HYAL3: variants seen among roughly 807,000 people sequenced by gnomAD.
HYAL3 encodes hyaluronidase 3, also known as hyaluronidase-3.
Under a neutral mutation model 29.6 loss-of-function variants are expected in HYAL3, and 25 were observed. The ratio of observed to expected loss-of-function variants is 0.85; its 90% CI spans 0.62 to 1.18. The LOEUF (loss-of-function observed/expected upper bound fraction) is 1.18. Ranked by LOEUF, HYAL3 falls within the 50% of genes most tolerant of loss-of-function variation. The probability of loss-of-function intolerance (pLI) is 0.00; values close to 1 mark genes in which losing one functional copy is unlikely to be tolerated. For synonymous variants in HYAL3, 215 were observed against 218.3 expected, an observed-to-expected ratio of 0.99 and a Z score of 0.13; for missense variants, 442 against 548.4, an observed-to-expected ratio of 0.81 and a Z score of 1.94.
rs1701810524 is a variant in HYAL3 at position 50,295,514 on chromosome 3, G to A, written c.89C>T (p.Pro30Leu). The A allele has an allele frequency of 6.2e-7, 1 of 1,600,206 alleles. No individual in the cohort carries two copies. The highest frequency in any genetic ancestry group is 1.4e-5 in the African/African-American group (1 of 72,776). ...GGGTACATTCCACAGCACAGAGAAG[G>A]GGCGTTCAGGGACCTGTGGTAGGGG... is the stretch of plus-strand genomic sequence containing the variant. Reference protein sequence around the residue: ...GQPLPQVPERPFSVLWNVPSA... With the variant: ...GQPLPQVPERLFSVLWNVPSA... The change falls in exon 2 of 4, where the codon CCC becomes CTC. Residue 30 changes from proline (P) to leucine (L), a missense_variant. Transcript: ENST00000336307.
In HYAL3 at chr3:50,295,220, C is replaced by CA; in HGVS notation, c.382dup (p.Trp128LeufsTer32). The CA allele has an allele frequency of 6.2e-7, 1 of 1,613,724 alleles. No homozygotes were observed. Among genetic ancestry groups the CA allele is most frequent in the South Asian group, 1.1e-5 (1 of 91,084 alleles). ...AGCCCAGAGTGGACACCACTCCTCCCAATCCAGCACTGCTGGGCCAGCAAA... is the reference window on the plus strand; with the variant it reads ...AGCCCAGAGTGGACACCACTCCTCCCAAATCCAGCACTGCTGGGCCAGCAAA... On this transcript the variant is annotated frameshift_variant, in exon 2 of 4. Transcript: ENST00000336307. LOFTEE classifies it high-confidence loss of function.
At position 50,299,376 on chromosome 3, in the gene HYAL3, G is replaced by A; in HGVS notation, c.-181C>T. The A allele has an allele frequency of 2.7e-6, 4 of 1,486,260 alleles. No individual in the cohort carries two copies. Among genetic ancestry groups the A allele is most frequent in the Non-Finnish European group, 3.6e-6 (4 of 1,102,818 alleles). The allele number at this position is 1,486,260 out of a possible 1,614,324, so 92.1% of individuals were successfully genotyped here. On this transcript the variant is annotated 5_prime_UTR_variant, in exon 1 of 4. Coordinates refer to ENST00000336307, the MANE Select transcript of HYAL3 (RefSeq NM_003549.4). ...CTGCGGCACGCCACGGCGTTCTAAGGCCTCCCAGCACCCGCGCGTCGCCGC... is the reference window on the plus strand; with the variant it reads ...CTGCGGCACGCCACGGCGTTCTAAGACCTCCCAGCACCCGCGCGTCGCCGC...
Position 50,292,997 on chromosome 3 carries a change from A to G in HYAL3, c.*249T>C. The G allele has an allele frequency of 6.5e-7, 1 of 1,535,982 alleles. No individual in the cohort carries two copies. The highest frequency in any genetic ancestry group is 8.8e-7 in the Non-Finnish European group (1 of 1,133,496). On this transcript the variant is annotated 3_prime_UTR_variant, in exon 4 of 4. Coordinates refer to ENST00000336307, the MANE Select transcript of HYAL3 (RefSeq NM_003549.4). ...CACAAAGCCCTAGGCTGGCAGCCCT[A>G]ACTAGCTGGAACCTGACTCTCCCTG...
At position 50,294,907 on chromosome 3, in the gene HYAL3, A is replaced by G. The variant is rs926891568; in HGVS notation, c.696T>C (p.His232=). 2 of 1,587,736 alleles carry G rather than the reference A, an allele frequency of 1.3e-6. No individual in the cohort carries two copies. Among genetic ancestry groups the G allele is most frequent in the Non-Finnish European group, 1.7e-6 (2 of 1,161,428 alleles). The stretch of plus-strand genomic sequence containing the variant: ...GGGCACTGGAGGCGGCCCAGAGCCA[A>G]TGCAGTTGAGTGTTGCGGGCAAGGG... ...AATLARNTQL[H]WLWAASSALF... is the part of the protein sequence containing the mutation. The change falls in exon 2 of 4, where the codon CAT becomes CAC. Residue 232 remains histidine (H), a synonymous_variant. Coordinates refer to ENST00000336307, the MANE Select transcript of HYAL3 (RefSeq NM_003549.4).
At position 50,297,041 on chromosome 3, in the gene HYAL3, C is replaced by A; in HGVS notation, c.-17-1422G>T. 6.5e-7 allele frequency: 1 copy of A among 1,537,320 alleles called. No homozygotes were observed. Among genetic ancestry groups the A allele is most frequent in the Non-Finnish European group, 8.7e-7 (1 of 1,145,232 alleles). On this transcript the variant is annotated intron_variant, in intron 1 of 3. Transcript: ENST00000336307. This position sits in a 1 kb window ranked among gnomAD's most constrained non-coding sequence, Gnocchi z 4.3. ...GGCCCCTCAGGGCCCGGGCCACCAC[C>A]ACTGTCTCCACTAAGAGGCTCTGGG...
At position 50,297,606 on chromosome 3, in the gene HYAL3, C is replaced by A; in HGVS notation, c.-18+1607G>T. On this transcript the variant is annotated intron_variant, in intron 1 of 3. Coordinates refer to ENST00000336307, the MANE Select transcript of HYAL3 (RefSeq NM_003549.4). The surrounding 1 kb of genome is among the most constrained non-coding windows in gnomAD (Gnocchi z 4.3). ...CTGCTAGGTTGCAGGTGGCTCAGTG[C>A]CAGGCTGGAGGTTAAGACCCCAGTC... is the stretch of plus-strand genomic sequence containing the variant. The A allele has an allele frequency of 6.7e-7, 1 of 1,483,832 alleles. No individual in the cohort carries two copies. The allele number at this position is 1,483,832 out of a possible 1,614,324, so 91.9% of individuals were successfully genotyped here.
chr3:50,299,243 G>C lies in HYAL3; in HGVS notation c.-48C>G. Reference sequence around the variant, plus strand: ...GATGCTGGCCTCTGGGATGTTCCGCGTCCTAGCTCCGCACAGCTGGGTATC... The same window carrying C: ...GATGCTGGCCTCTGGGATGTTCCGCCTCCTAGCTCCGCACAGCTGGGTATC... On this transcript the variant is annotated 5_prime_UTR_variant, in exon 1 of 4. Coordinates refer to ENST00000336307, the MANE Select transcript of HYAL3 (RefSeq NM_003549.4). 6.2e-7 allele frequency: 1 copy of C among 1,614,086 alleles called. No homozygotes were observed. The highest frequency in any genetic ancestry group is 8.5e-7 in the Non-Finnish European group (1 of 1,180,014).
intron 2 of HYAL3, 48 bp downstream of exon 2, chr3:50,294,661 A>T (rs782368343): frequency 1.4e-6 from 2 of 1,444,672 alleles, no homozygotes; most frequent in Admixed American, 2.4e-5. Context: ...TTCCTAGAAC[A>T]GGGCCATACC....
At chr3:50,293,572 G>A (rs1208299013) in intron 3 of HYAL3, 57 bp from the exon 4 acceptor site, 1 of 1,611,538 alleles carries the variant, frequency 6.2e-7, no homozygotes, top group Middle Eastern at 1.7e-4. Context: ...TGACATGGCC[G>A]TCCCCCACCC....
Position 50,297,080 on chromosome 3 carries a change from C to T in HYAL3, c.-17-1461G>A. On this transcript the variant is annotated intron_variant, in intron 1 of 3. Coordinates refer to ENST00000336307, the MANE Select transcript of HYAL3 (RefSeq NM_003549.4). The surrounding 1 kb of genome is among the most constrained non-coding windows in gnomAD (Gnocchi z 4.3). The stretch of plus-strand genomic sequence containing the variant: ...AGAGGCTCTGGGGCTGGTTCAGCAC[C>T]CGTGACAGGCGGGCATGGCCCACCA... 1.3e-6 allele frequency: 2 copies of T among 1,540,138 alleles called. No individual in the cohort carries two copies. Among genetic ancestry groups the T allele is most frequent in the Non-Finnish European group, 1.7e-6 (2 of 1,143,276 alleles).
chr3:50,297,882 T>C lies in HYAL3; in HGVS notation c.-18+1331A>G. The C allele has an allele frequency of 9.9e-7, 1 of 1,012,602 alleles. No homozygotes were observed. The highest frequency in any genetic ancestry group is 1.2e-6 in the Non-Finnish European group (1 of 848,556). 62.7% of individuals were successfully genotyped at this position (1,012,602 alleles called of 1,614,324 possible). On this transcript the variant is annotated intron_variant, in intron 1 of 3. Transcript: ENST00000336307. This position sits in a 1 kb window ranked among gnomAD's most constrained non-coding sequence, Gnocchi z 4.3. ...GATAGATCCAGGTGTCTACCCCACA[T>C]TGGAGGGAGGCTGGGAGTGATGGAT...
intron 1 of HYAL3, chr3:50,296,668 G>C: frequency 6.2e-7 from 1 of 1,614,036 alleles, no homozygotes; most frequent in East Asian, 2.2e-5. Flanking sequence ...GTCTCCAGCA[G>C]GCTTTTTGAA....
chr3:50,298,978 T>G, intron 1 of HYAL3: 1 of 1,448,938 alleles, frequency 6.9e-7, no homozygotes, highest in Non-Finnish European at 9.1e-7. Flanking sequence ...CCTCAGAGAG[T>G]GGCTTCTCCG....
In HYAL3 at chr3:50,295,555, G is replaced by A. The variant is rs1701812310; in HGVS notation, c.48C>T (p.Cys16=). ...GPALVLGVAL[C]LGCGQPLPQV... is the part of the protein sequence containing the mutation. ...GTGGTAGGGGCTGGCCACAACCCAG[G>A]CACAGGGCCACCCCCAGCACCAGGG... The change falls in exon 2 of 4, where the codon TGC becomes TGT. Residue 16 remains cysteine (C), a synonymous_variant. Transcript: ENST00000336307. 4 of 1,579,136 alleles carry A rather than the reference G, an allele frequency of 2.5e-6. No individual in the cohort carries two copies. Among genetic ancestry groups the A allele is most frequent in the Middle Eastern group, 3.9e-4 (2 of 5,166 alleles).
Position 50,297,485 on chromosome 3 carries a change from A to G in HYAL3, c.-18+1728T>C. The G allele has an allele frequency of 6.4e-7, 1 of 1,566,726 alleles. No homozygotes were observed. Among genetic ancestry groups the G allele is most frequent in the East Asian group, 2.3e-5 (1 of 44,036 alleles). ...CCATCCGGTGTGTAGGGTCTAGTGTAGGGGTCAGCTTGGCTGGGCCAGGGC... is the reference window on the plus strand; with the variant it reads ...CCATCCGGTGTGTAGGGTCTAGTGTGGGGGTCAGCTTGGCTGGGCCAGGGC... On this transcript the variant is annotated intron_variant, in intron 1 of 3. Coordinates refer to ENST00000336307, the MANE Select transcript of HYAL3 (RefSeq NM_003549.4). This position sits in a 1 kb window ranked among gnomAD's most constrained non-coding sequence, Gnocchi z 4.3.
rs1553710767 is a variant in HYAL3 at position 50,294,975 on chromosome 3, G to T, written c.628C>A (p.His210Asn). The T allele has an allele frequency of 6.2e-7, 1 of 1,612,912 alleles. No homozygotes were observed. Among genetic ancestry groups the T allele is most frequent in the African/African-American group, 1.3e-5 (1 of 74,934 alleles). ...CCGGTATAGTTGGAAGCCATACTAT[G>T]CCAGCCATTGCCACAGGCTGGGTAG... ...YHYPACGNGW[H>N]SMASNYTGRC... The change falls in exon 2 of 4, where the codon CAT becomes AAT. Residue 210 changes from histidine (H) to asparagine (N), a missense_variant. By Grantham distance (68) the His-to-Asn change is moderately conservative. Transcript: ENST00000336307.
At chr3:50,294,675 T>A in intron 2 of HYAL3, 34 bp downstream of exon 2, 2 of 1,482,020 alleles carry the variant, frequency 1.3e-6, no homozygotes, top group Non-Finnish European at 1.8e-6. Flanking sequence ...CCATACCTCC[T>A]GACTCAGACC....
Position 50,297,258 on chromosome 3 carries a change from G to T in HYAL3, c.-17-1639C>A, listed in dbSNP as rs1258733951. On this transcript the variant is annotated intron_variant, in intron 1 of 3. Transcript: ENST00000336307. This position sits in a 1 kb window ranked among gnomAD's most constrained non-coding sequence, Gnocchi z 4.3. ...GTCAGCACAAGCATCCAGGAGCTCG[G>T]GTCGGCGGTGCACAGGCTCCAGGGT... The T allele has an allele frequency of 5.0e-6, 8 of 1,610,082 alleles. No homozygotes were observed. The South Asian group carries it at 8.8e-5, about 18-fold the overall frequency.
Position 50,293,625 on chromosome 3 carries a change from T to C in HYAL3, c.984+7A>G, listed in dbSNP as rs1369958016. On this transcript the variant is annotated splice_region_variant and intron_variant, in intron 3 of 3. Coordinates refer to ENST00000336307, the MANE Select transcript of HYAL3 (RefSeq NM_003549.4). ...CTACATGGCAGGCTCAAAGGGGCAA[T>C]GATCACCTCAGAGCTGGAGAGGCTC... 1.9e-6 allele frequency: 3 copies of C among 1,613,676 alleles called. No homozygotes were observed. The African/African-American group carries it at 4.0e-5, about 22-fold the overall frequency.
Sources: gnomAD v4.1 joint callset for allele counts on GRCh38, gnomAD v4.1.1 for gene constraint, Gnocchi (gnomAD v3.1) non-coding constraint, MANE v1.5 for transcripts, NCBI Gene and HGNC (gene_info 2026-07-23, HGNC 2026-07-21) for gene names.